Variants in CCT4 observed in about 807,000 individuals in gnomAD.
CCT4 encodes the protein T-complex protein 1 subunit delta.
Under a neutral mutation model 62.5 loss-of-function variants are expected in CCT4, and 17 were observed. The observed-to-expected ratio is 0.27, with a 90% CI of 0.19 to 0.41. The LOEUF (loss-of-function observed/expected upper bound fraction) is 0.41. Ranked by LOEUF, CCT4 falls within the 10% of genes least tolerant of loss-of-function variation. The probability of loss-of-function intolerance (pLI) is 1.00; values close to 1 mark genes in which losing one functional copy is unlikely to be tolerated. For missense variants in CCT4, 592 were observed against 659.2 expected (o/e 0.90, Z 1.12); for synonymous variants, 250 against 229.9 (o/e 1.09, Z -0.79).
rs1162420649 is a variant in CCT4 at position 61,868,440 on chromosome 2, TA to T, written c.*251del. On this transcript the variant is annotated 3_prime_UTR_variant, in exon 14 of 14. Transcript: ENST00000394440. ...GTAAACTCACTTTTTACGCTTCTTT[TA>T]TTAGTTTTTATTAGTTTTTCAAAAG... The T allele has an allele frequency of 1.3e-5, 6 of 454,204 alleles. No individual in the cohort carries two copies. The highest frequency in any genetic ancestry group is 1.2e-4 in the African/African-American group (6 of 51,112). 28.1% of individuals were successfully genotyped at this position (454,204 alleles called of 1,614,324 possible).
At chr2:61,880,086 GCAAATAT>G (rs1669080936) in intron 4 of CCT4, among the ~76,000 whole-genome samples, 193 bp downstream of exon 4, 3 of 152,182 alleles carry the variant, frequency 2.0e-5, no homozygotes, top group Admixed American at 2.0e-4. Context: ...AAGGAGCCCA[GCAAATAT>G]CAGAAGCCAA....
In CCT4 at chr2:61,876,189, C is replaced by G. The variant is rs1425217645; in HGVS notation, c.823G>C (p.Val275Leu). 1 of 1,610,786 alleles carries G rather than the reference C, an allele frequency of 6.2e-7. No homozygotes were observed. Among genetic ancestry groups the G allele is most frequent in the African/African-American group, 1.3e-5 (1 of 74,828 alleles). The change falls in exon 8 of 14, where the codon GTG (valine) becomes CTG (leucine). Residue 275 changes from valine to leucine, a missense_variant. By Grantham distance (32) the Val-to-Leu change is conservative (BLOSUM62 1). This residue lies in a region of CCT4 where 522 missense variants were observed against 571.2 expected (regional missense o/e 0.91). Transcript: ENST00000394440. ...ATATAGGCTCTCTCTTCTCGCAGCACTCGGTCCATCTGGGCATAGTCAGAA... is the reference window on the plus strand; with the variant it reads ...ATATAGGCTCTCTCTTCTCGCAGCAGTCGGTCCATCTGGGCATAGTCAGAA... ...VVSDYAQMDRVLREERAYILN... is the reference protein window; with the variant it reads ...VVSDYAQMDRLLREERAYILN...
chr2:61,870,384 C>T (rs1383853112), intron 12 of CCT4, among the ~76,000 whole-genome samples: 1 of 152,186 alleles, frequency 6.6e-6, no homozygotes, highest in Non-Finnish European at 1.5e-5. Context: ...ATATTTGCCA[C>T]CTTAAATTCT....
intron 11 of CCT4, 23 bp downstream of exon 11, chr2:61,872,435 T>A: frequency 6.3e-7 from 1 of 1,578,906 alleles, no homozygotes; most frequent in Non-Finnish European, 8.6e-7. Context: ...AAATGTTACT[T>A]AATAATGTAA....
chr2:61,872,610 TTA>T, intron 10 of CCT4, 22 bp from the exon 11 acceptor site: 2 of 1,612,970 alleles, frequency 1.2e-6, no homozygotes, highest in Non-Finnish European at 8.5e-7. Context: ...AAATTCCAAA[TTA>T]AGTATTTGAA....
chr2:61,877,061 A>C lies in CCT4; in HGVS notation c.645-9T>G. 1 of 1,610,894 alleles carries C rather than the reference A, an allele frequency of 6.2e-7. No individual in the cohort carries two copies. Among genetic ancestry groups the C allele is most frequent in the Admixed American group, 1.7e-5 (1 of 59,366 alleles). ...AGTCATCAATTGTCCCACTAAGGAT[A>C]AAAGAAAACAAAGAGGGGTAGTTAA... On this transcript the variant is annotated splice_polypyrimidine_tract_variant and intron_variant, in intron 6 of 13. Transcript: ENST00000394440.
At chr2:61,882,948 A>G (rs1317962645) in intron 3 of CCT4, among the ~76,000 whole-genome samples, 1 of 152,100 alleles carries the variant, frequency 6.6e-6, no homozygotes, top group East Asian at 1.9e-4. Context: ...GACTAAAGGC[A>G]TGCACCACTA....
At chr2:61,872,702 T>C in intron 10 of CCT4, 114 bp from the exon 11 acceptor site, 1 of 1,026,972 alleles carries the variant, frequency 9.7e-7, no homozygotes, top group Non-Finnish European at 1.4e-6. Context: ...ATGAGGCGGG[T>C]GGCTAACGAG....
At chr2:61,877,105 A>T in intron 6 of CCT4, 53 bp from the exon 7 acceptor site, 2 of 1,484,660 alleles carry the variant, frequency 1.3e-6, no homozygotes, top group Non-Finnish European at 1.9e-6. Flanking sequence ...GGACATCTGT[A>T]CGTTTAATAG....
chr2:61,877,620 G>T, intron 5 of CCT4, 106 bp from the exon 6 acceptor site: 1 of 837,460 alleles, frequency 1.2e-6, no homozygotes, highest in Non-Finnish European at 1.8e-6. Context: ...TTTGCAGTGG[G>T]GTGTGGGTAT....
chr2:61,876,241 A>G lies in CCT4; in HGVS notation c.778-7T>C. On this transcript the variant is annotated splice_polypyrimidine_tract_variant and splice_region_variant and intron_variant, in intron 7 of 13. Transcript: ENST00000394440. ...CCACTATTTGATTATCCATCTGTTC[A>G]GAAAAAGAACATCATAATTTGCATT... The G allele has an allele frequency of 1.0e-5, 16 of 1,576,296 alleles. No individual in the cohort carries two copies. The highest frequency in any genetic ancestry group is 1.3e-5 in the Non-Finnish European group (15 of 1,162,768).
At chr2:61,868,901 C>T (rs955468201) in intron 13 of CCT4, 195 bp from the exon 14 acceptor site, 3 of 520,046 alleles carry the variant, frequency 5.8e-6, no homozygotes, top group Non-Finnish European at 1.0e-5. Context: ...CTTTGGGAGG[C>T]TGAGGCAGGT....
intron 3 of CCT4, among the ~76,000 whole-genome samples, chr2:61,880,797 C>T (rs1669095719): frequency 6.6e-6 from 1 of 152,150 alleles, no homozygotes; most frequent in African/African-American, 2.4e-5. Context: ...CCTCCACCTC[C>T]TGGGCTCAAG....
intron 4 of CCT4, 121 bp from the exon 5 acceptor site, chr2:61,879,132 C>T (rs1200200915): frequency 3.0e-6 from 2 of 667,552 alleles, no homozygotes; most frequent in Non-Finnish European, 5.0e-6. Flanking sequence ...TAATTACAAA[C>T]TTATGCTTCA....
chr2:61,869,177 T>TA (rs1300654465), intron 13 of CCT4, among the ~76,000 whole-genome samples: 4 of 114,262 alleles, frequency 3.5e-5, no homozygotes, highest in East Asian at 2.5e-4. Flanking sequence ...TAAAAACTTT[T>TA]AAAAAAACAA....
chr2:61,869,317 C>T (rs1256213072), intron 13 of CCT4, 123 bp downstream of exon 13: 10 of 625,596 alleles, frequency 1.6e-5, no homozygotes, highest in Admixed American at 5.0e-5. Context: ...GCCTGGGCAA[C>T]AGAGCAAAAC....
chr2:61,884,893 TG>T (rs1669214038), intron 2 of CCT4, 126 bp downstream of exon 2: 1 of 739,208 alleles, frequency 1.4e-6, no homozygotes, highest in Non-Finnish European at 2.2e-6. Context: ...CCCAAAGTGC[TG>T]GGATTATAGG....
rs1472495295 is a variant in CCT4 at position 61,879,276 on chromosome 2, T to TC, written c.380-266_380-265insG. ...TTATACTTTTTTTTTTTTTTTTTTT[T>TC]TCTGAGACAGGGTCTTACTCTGTCA... On this transcript the variant is annotated intron_variant, in intron 4 of 13. Transcript: ENST00000394440. Among the ~76,000 whole-genome samples, 1,093 of 147,104 alleles carry TC rather than the reference T, an allele frequency of 7.4e-3. 15 individuals are homozygous for TC. Among genetic ancestry groups the TC allele is most frequent in the African/African-American group, 0.026 (1,027 of 39,638 alleles).
Position 61,880,393 on chromosome 2 carries a change from A to G in CCT4, c.272T>C (p.Leu91Pro). The G allele has an allele frequency of 6.3e-7, 1 of 1,583,410 alleles. No individual in the cohort carries two copies. The highest frequency in any genetic ancestry group is 8.6e-7 in the Non-Finnish European group (1 of 1,160,438). The change falls in exon 4 of 14, where the codon CTG (leucine) becomes CCG (proline). Residue 91 changes from leucine (L) to proline (P), a missense_variant and splice_region_variant. Around this residue, in one of 3 missense-constraint regions of CCT4, gnomAD observed 522 missense variants for 571.2 expected, o/e 0.91. Coordinates refer to ENST00000394440, the MANE Select transcript of CCT4 (RefSeq NM_006430.4). ...ATCTTGAGCCTTAGACAGCTCCACC[A>G]GCTAAGTGAACAGAAAATGCCAAGT... ...MQVLHPAARM[L>P]VELSKAQDIE...
Sources: gnomAD v4.1 joint callset for allele counts (sites outside exome capture counted in the v4.1 genomes callset) on GRCh38, gnomAD v4.1.1 for gene constraint, gnomAD v4.1.1 regional missense constraint, MANE v1.5 for transcripts, NCBI Gene and HGNC (gene_info 2026-07-23, HGNC 2026-07-21) for gene names.